The following NUS1 variants were observed in gnomAD, a reference collection of about 807,000 sequenced individuals.
The protein encoded by NUS1 is NUS1 dehydrodolichyl diphosphate synthase subunit, also known as dehydrodolichyl diphosphate synthase complex subunit NUS1.
For missense variants in NUS1, 292 were observed against 382.9 expected (o/e 0.76, Z 1.98); for synonymous variants, 135 against 155.2 (o/e 0.87, Z 0.97).
rs146009370 is a variant in NUS1, at chr6:117,694,067, C to T, written c.578C>T (p.Pro193Leu). 6.8e-5 allele frequency: 110 copies of T among 1,610,996 alleles called. No individual in the cohort carries two copies. The African/African-American group carries it at 7.2e-4, about 11-fold the overall frequency. ...CATTTGGCAGTGAAGGTGCTGTCTC[C>T]GGAAGATGGAAAAGCAGATATTGTA... ...NCHLAVKVLSPEDGKADIVRA... is the reference protein window; with the variant it reads ...NCHLAVKVLSLEDGKADIVRA... The change falls in exon 3 of 5, where the codon CCG becomes CTG. Residue 193 changes from proline (P) to leucine (L), a missense_variant. Coordinates refer to ENST00000368494, the MANE Select transcript of NUS1 (RefSeq NM_138459.5).
intron 1 of NUS1, among the ~76,000 whole-genome samples, chr6:117,679,762 A>C (rs1395792280): frequency 2.6e-5 from 4 of 152,222 alleles, no homozygotes; most frequent in East Asian, 3.9e-4. Context: ...TGAAGCTGAA[A>C]GATGTCTTAG....
chr6:117,701,629 T>C (rs1773412412), intron 3 of NUS1, among the ~76,000 whole-genome samples: 1 of 152,164 alleles, frequency 6.6e-6, no homozygotes, highest in South Asian at 2.1e-4. Context: ...TAGGTATTCT[T>C]TTTGATGCTG....
In NUS1 at chr6:117,676,099, C is replaced by T. The variant is rs969243533; in HGVS notation, c.415+14C>T. The T allele has an allele frequency of 6.4e-7, 1 of 1,550,484 alleles. No homozygotes were observed. Among genetic ancestry groups the T allele is most frequent in the Admixed American group, 2.0e-5 (1 of 51,034 alleles). ...ACGACCACCAAGGTGAGGCCCGGTG[C>T]GGTGGTGGGGGGTGGCCGAGGCGTC... On this transcript the variant is annotated intron_variant, in intron 1 of 4. Coordinates refer to ENST00000368494, the MANE Select transcript of NUS1 (RefSeq NM_138459.5).
chr6:117,685,978 A>AG (rs1773132623), intron 1 of NUS1, among the ~76,000 whole-genome samples: 5 of 139,206 alleles, frequency 3.6e-5, no homozygotes, highest in Non-Finnish European at 1.5e-5. Flanking sequence ...AAAAAAAAAA[A>AG]GGGCTGGGCG....
In NUS1 at chr6:117,679,891, T is replaced by C. The variant is rs142756654; in HGVS notation, c.415+3806T>C. On this transcript the variant is annotated intron_variant, in intron 1 of 4. Transcript: ENST00000368494. The stretch of plus-strand genomic sequence containing the variant: ...TGGACTTCACCTCTCAATGAGAAAA[T>C]GGCTTGTGTAGAAAGGTTGGGTGAG... Among the ~76,000 whole-genome samples the C allele has an allele frequency of 7.1e-3, 1,076 of 152,264 alleles. 14 individuals are homozygous for C. Among genetic ancestry groups the C allele is most frequent in the Middle Eastern group, 0.017 (5 of 294 alleles).
intron 1 of NUS1, among the ~76,000 whole-genome samples, chr6:117,687,698 T>A (rs1240912748): frequency 6.6e-6 from 1 of 152,210 alleles, no homozygotes; most frequent in African/African-American, 2.4e-5. Flanking sequence ...GATAAAGTAT[T>A]ACTGGGAAAT....
chr6:117,679,390 G>A (rs983105083), intron 1 of NUS1, among the ~76,000 whole-genome samples: 3 of 152,188 alleles, frequency 2.0e-5, no homozygotes, highest in Non-Finnish European at 4.4e-5. Context: ...TGAGTAGAGT[G>A]TTGGGAGCAG....
chr6:117,708,104 C>T lies in NUS1; in HGVS notation c.*1089C>T, dbSNP rs1413321780. 1 of 152,328 alleles carries T rather than the reference C, an allele frequency of 6.6e-6. No individual in the cohort carries two copies. The highest frequency in any genetic ancestry group is 2.4e-5 in the African/African-American group (1 of 41,452). The allele number at this position is 152,328 out of a possible 1,614,324, so 9.4% of individuals were successfully genotyped here. ...ATGGTTAATACCTGAGATTTTTACTCAGTAAATCCTGATGGTTACTGTGTG... is the reference window on the plus strand; with the variant it reads ...ATGGTTAATACCTGAGATTTTTACTTAGTAAATCCTGATGGTTACTGTGTG... On this transcript the variant is annotated 3_prime_UTR_variant, in exon 5 of 5. Coordinates refer to ENST00000368494, the MANE Select transcript of NUS1 (RefSeq NM_138459.5).
At chr6:117,698,587 A>G (rs915495167) in intron 3 of NUS1, among the ~76,000 whole-genome samples, 3 of 152,096 alleles carry the variant, frequency 2.0e-5, no homozygotes, top group African/African-American at 7.2e-5. Flanking sequence ...GATTCTACCA[A>G]ACATTTAAAG....
rs188797256 is a variant in NUS1 at position 117,693,013 on chromosome 6, T to C, written c.416-29T>C. 82 of 1,574,592 alleles carry C rather than the reference T, an allele frequency of 5.2e-5. No homozygotes were observed. In the African/African-American group the frequency reaches 1.0e-3, roughly 19 times the overall value. On this transcript the variant is annotated intron_variant, in intron 1 of 4. Transcript: ENST00000368494. ...TGAAGAGGAAAAATTAACCTAGTTG[T>C]GTTTTACTTGCCTTTTTCTTTTTTA...
intron 3 of NUS1, among the ~76,000 whole-genome samples, chr6:117,701,284 G>A (rs1320600018): frequency 7.8e-5 from 11 of 141,506 alleles, no homozygotes; most frequent in South Asian, 2.2e-4. Context: ...TCGCTCTGTC[G>A]CCCAGGCTGG....
rs1414348976 is a variant in NUS1, at chr6:117,676,096, G to C, written c.415+11G>C. The stretch of plus-strand genomic sequence containing the variant: ...TCTACGACCACCAAGGTGAGGCCCG[G>C]TGCGGTGGTGGGGGGTGGCCGAGGC... On this transcript the variant is annotated intron_variant, in intron 1 of 4. Transcript: ENST00000368494. The C allele has an allele frequency of 7.7e-6, 12 of 1,550,530 alleles. No homozygotes were observed. The South Asian group carries it at 1.4e-4, about 18-fold the overall frequency.
intron 3 of NUS1, among the ~76,000 whole-genome samples, chr6:117,694,525 C>T (rs970794182): frequency 6.6e-6 from 1 of 151,974 alleles, no homozygotes; most frequent in Non-Finnish European, 1.5e-5. Flanking sequence ...TGAACTTTCC[C>T]TTAACTTTGA....
chr6:117,678,444 A>G (rs966725954), intron 1 of NUS1, among the ~76,000 whole-genome samples: 1 of 152,162 alleles, frequency 6.6e-6, no homozygotes, highest in African/African-American at 2.4e-5. Flanking sequence ...TCTGACAAAT[A>G]ATATACGTGG....
chr6:117,697,467 T>C (rs1773336284), intron 3 of NUS1, among the ~76,000 whole-genome samples: 1 of 152,036 alleles, frequency 6.6e-6, no homozygotes, highest in African/African-American at 2.4e-5. Flanking sequence ...GAAAAAGATA[T>C]TTTATGCCAA....
chr6:117,687,594 T>G (rs182410264), intron 1 of NUS1, among the ~76,000 whole-genome samples: 50 of 152,202 alleles, frequency 3.3e-4, no homozygotes, highest in Admixed American at 2.2e-3. Flanking sequence ...TTAGGAGAAT[T>G]TAACAGGCAT....
intron 4 of NUS1, among the ~76,000 whole-genome samples, chr6:117,705,832 ATAT>A (rs1773492426): frequency 6.6e-6 from 1 of 152,216 alleles, no homozygotes; most frequent in Admixed American, 6.5e-5. Flanking sequence ...TTCTTTGAGC[ATAT>A]TATTTCAGAG....
At chr6:117,686,845 AGTGTGTATGTGTGTGTGTGTGT>A (rs1243268123) in intron 1 of NUS1, among the ~76,000 whole-genome samples, 15 of 114,358 alleles carry the variant, frequency 1.3e-4, no homozygotes, top group African/African-American at 1.6e-4. Context: ...TATCATGTGA[AGTGTGTATGTGTGTGTGTGTGT>A]GTGTGTGTGT....
intron 3 of NUS1, among the ~76,000 whole-genome samples, chr6:117,701,499 C>T (rs1390322270): frequency 6.6e-6 from 1 of 152,142 alleles, no homozygotes; most frequent in Non-Finnish European, 1.5e-5. Context: ...CTGCCTCGGC[C>T]TCCCAAAGTG....
Sources: allele counts gnomAD v4.1 joint callset (sites outside exome capture counted in the v4.1 genomes callset), GRCh38; gene constraint gnomAD v4.1.1; transcripts MANE v1.5; gene names NCBI Gene and HGNC (gene_info 2026-07-23, HGNC 2026-07-21).